The following ZFP64 variants were observed in gnomAD, a reference collection of about 807,000 sequenced individuals.
ZFP64 encodes ZFP64 zinc finger protein.
Under a neutral mutation model 51.6 loss-of-function variants are expected in ZFP64, and 14 were observed. The ratio of observed to expected loss-of-function variants is 0.27; its 90% CI spans 0.18 to 0.42. The LOEUF (loss-of-function observed/expected upper bound fraction) is 0.42. Among genes scored for constraint, ZFP64 ranks in the 10% least tolerant of loss-of-function variants. ZFP64 has a pLI of 1.00. For missense variants in ZFP64, 754 were observed against 906.8 expected (o/e 0.83, Z 2.16); for synonymous variants, 375 against 361.4 (o/e 1.04, Z -0.43).
chr20:52,123,298 C>A (rs73130324), intron 5 of ZFP64, among the ~76,000 whole-genome samples: 30,325 of 152,120 alleles, frequency 0.2, 3,291 homozygotes, highest in Admixed American at 0.26. Context: ...TGAGCTGCTG[C>A]GCCCAGCAGA....
chr20:52,162,190 C>T lies in ZFP64; in HGVS notation c.512-1816G>A, dbSNP rs191964280. 3.8e-4 allele frequency among the ~76,000 whole-genome samples: 58 copies of T among 151,964 alleles called. No homozygotes were observed. In the East Asian group the frequency reaches 4.8e-3, roughly 13 times the overall value. On this transcript the variant is annotated intron_variant, in intron 4 of 5. Transcript: ENST00000216923. ...GTGGGCACCTGTAATCCCTGCTACT[C>T]GGGAGGCTGAGGCAGGAGAATCACT...
chr20:52,171,714 T>G (rs1982748402), intron 2 of ZFP64, among the ~76,000 whole-genome samples: 1 of 151,208 alleles, frequency 6.6e-6, no homozygotes, highest in Non-Finnish European at 1.5e-5. Context: ...GTTCTCAAAC[T>G]TCTGACCTAA....
chr20:52,097,109 G>A (rs755113381), intron 7 of ZFP64: 12 of 683,398 alleles, frequency 1.8e-5, no homozygotes, highest in Non-Finnish European at 3.2e-5. Flanking sequence ...GCAGCTGGCT[G>A]CCCTAAAAAA....
At chr20:52,116,868 G>T (rs6096766) in intron 5 of ZFP64, among the ~76,000 whole-genome samples, 26,732 of 152,126 alleles carry the variant, frequency 0.18, 2,499 homozygotes, top group Non-Finnish European at 0.21. Context: ...TCAAGAGATC[G>T]AGACCTTCCT....
At chr20:52,146,231 A>G (rs1281230052) in intron 5 of ZFP64, among the ~76,000 whole-genome samples, 1 of 152,180 alleles carries the variant, frequency 6.6e-6, no homozygotes, top group Non-Finnish European at 1.5e-5. Context: ...CATGCTGGGT[A>G]TATACCCAAA....
intron 5 of ZFP64, among the ~76,000 whole-genome samples, chr20:52,144,601 A>AAAAAAAAAAAAAAAAAAAAAAG (rs1980430806): frequency 6.7e-6 from 1 of 148,790 alleles, no homozygotes; most frequent in African/African-American, 2.5e-5. Context: ...AAAAAAAAAA[A>AAAAAAAAAAAAAAAAAAAAAAG]ATGCTGAAAG....
At chr20:52,096,273 C>T (rs545002694) in intron 7 of ZFP64, among the ~76,000 whole-genome samples, 23 of 152,248 alleles carry the variant, frequency 1.5e-4, no homozygotes, top group Admixed American at 1.2e-3. Flanking sequence ...TCACAAGGGC[C>T]GCTGCTTCTG....
chr20:52,140,957 T>C (rs369144449), intron 5 of ZFP64, among the ~76,000 whole-genome samples: 10 of 152,298 alleles, frequency 6.6e-5, no homozygotes, highest in East Asian at 5.8e-4. Flanking sequence ...CCAAAAATCC[T>C]AAGGCCCTTA....
intron 5 of ZFP64, among the ~76,000 whole-genome samples, chr20:52,105,839 G>T (rs1040477325): frequency 6.6e-5 from 10 of 152,000 alleles, no homozygotes; most frequent in Non-Finnish European, 1.2e-4. Context: ...CCTGGGCACT[G>T]GGATGTTTTT....
intron 7 of ZFP64, among the ~76,000 whole-genome samples, chr20:52,089,499 G>T (rs1465889626): frequency 6.6e-6 from 1 of 152,108 alleles, no homozygotes; most frequent in African/African-American, 2.4e-5. Context: ...CCAGTGCTTT[G>T]GGGGGCTGAG....
intron 5 of ZFP64, among the ~76,000 whole-genome samples, chr20:52,126,021 G>A (rs1170167860): frequency 3.3e-5 from 5 of 151,820 alleles, no homozygotes; most frequent in Non-Finnish European, 4.4e-5. Context: ...CTGTGTTAGC[G>A]TTCTGAGTAG....
At chr20:52,098,410 G>C (rs112607797) in intron 6 of ZFP64, 1 of 1,611,090 alleles carries the variant, frequency 6.2e-7, no homozygotes, top group Non-Finnish European at 8.5e-7. Context: ...GCTCAGAAGC[G>C]GCTCAGCACG....
At chr20:52,128,854 C>G (rs1215900133) in intron 5 of ZFP64, among the ~76,000 whole-genome samples, 1 of 152,172 alleles carries the variant, frequency 6.6e-6, no homozygotes, top group Admixed American at 6.5e-5. Context: ...CATTTCTTTT[C>G]CAGAAATGAA....
chr20:52,132,660 A>G (rs1351753091), intron 5 of ZFP64, among the ~76,000 whole-genome samples: 2 of 152,202 alleles, frequency 1.3e-5, no homozygotes, highest in African/African-American at 4.8e-5. Flanking sequence ...TGAATCATGA[A>G]GAAATCCAAA....
chr20:52,084,948 A>G lies in ZFP64; in HGVS notation c.1547T>C (p.Val516Ala), dbSNP rs149077745. Residue 516 changes from valine to alanine, a missense_variant, in exon 9 of 9, where the codon GTC becomes GCC. Coordinates refer to the ZFP64 transcript ENST00000361387. ...CTTGAAGGGACGGTCCTTACAGTGGACTCTGCTGTGCACGCGCAGGGCGGC... is the reference window on the plus strand; with the variant it reads ...CTTGAAGGGACGGTCCTTACAGTGGGCTCTGCTGTGCACGCGCAGGGCGGC... 4.6e-5 allele frequency: 75 copies of G among 1,613,618 alleles called. No individual in the cohort carries two copies. The African/African-American group carries it at 9.1e-4, about 20-fold the overall frequency.
Position 52,160,499 on chromosome 20 carries a change from A to C in ZFP64, c.512-125T>G. 16 of 1,271,106 alleles carry C rather than the reference A, an allele frequency of 1.3e-5. No homozygotes were observed. The highest frequency in any genetic ancestry group is 1.6e-5 in the Non-Finnish European group (15 of 942,808). 78.7% of individuals were successfully genotyped at this position (1,271,106 alleles called of 1,614,324 possible). ...CGAAGAATATTCCAAAAACCCTAAA[A>C]CACTGGGTGGATGATTGGCAAAGAG... On this transcript the variant is annotated intron_variant, in intron 4 of 5. Coordinates refer to ENST00000216923, the MANE Select transcript of ZFP64 (RefSeq NM_018197.3). The surrounding 1 kb of genome is among the most constrained non-coding windows in gnomAD (Gnocchi z 4.2).
At chr20:52,129,612 A>G (rs1406154240) in intron 5 of ZFP64, among the ~76,000 whole-genome samples, 4 of 151,940 alleles carry the variant, frequency 2.6e-5, no homozygotes, top group African/African-American at 9.7e-5. Context: ...TGTAACTCCT[A>G]TGTAGCATTT....
intron 5 of ZFP64, among the ~76,000 whole-genome samples, chr20:52,136,307 GAT>G (rs999989349): frequency 8.5e-5 from 13 of 152,104 alleles, no homozygotes; most frequent in African/African-American, 2.4e-4. Context: ...TAAAATCTGA[GAT>G]ATCACAGCAT....
In ZFP64 at chr20:52,151,842, A is replaced by G. The variant is rs1980823728; in HGVS notation, c.*304T>C. ...TGAGGTGGGCAGATCACTTGAGGTC[A>G]GGAGTTCAACATGATGAAACCCCGT... is the stretch of plus-strand genomic sequence containing the variant. On this transcript the variant is annotated 3_prime_UTR_variant, in exon 6 of 6. Transcript: ENST00000216923. 1.9e-6 allele frequency: 2 copies of G among 1,039,644 alleles called. No individual in the cohort carries two copies. The highest frequency in any genetic ancestry group is 6.1e-5 in the East Asian group (1 of 16,324). 64.4% of individuals were successfully genotyped at this position (1,039,644 alleles called of 1,614,324 possible).
Sources: allele counts gnomAD v4.1 joint callset (sites outside exome capture counted in the v4.1 genomes callset), GRCh38; gene constraint gnomAD v4.1.1; non-coding constraint Gnocchi (gnomAD v3.1); transcripts MANE v1.5; gene names NCBI Gene and HGNC (gene_info 2026-07-23, HGNC 2026-07-21).